The following HGF variants were observed in gnomAD, a reference collection of about 807,000 sequenced individuals.
HGF encodes the protein fibroblast-derived tumor cytotoxic factor.
In HGF, 39 loss-of-function variants were observed where a neutral mutation model predicts 111.6. The ratio of observed to expected loss-of-function variants is 0.35; its 90% confidence interval spans 0.27 to 0.46. HGF has a LOEUF of 0.46. Ranked by LOEUF, HGF falls within the 20% of genes least tolerant of loss-of-function variation. The pLI is 1.00. For synonymous variants in HGF, 285 were observed against 294.8 expected, an observed-to-expected ratio of 0.97 and a Z score of 0.34; for missense variants, 735 against 910.5, an observed-to-expected ratio of 0.81 and a Z score of 2.48.
intron 8 of HGF, among the ~76,000 whole-genome samples, chr7:81,728,311 C>T (rs1790073130): frequency 6.6e-6 from 1 of 152,176 alleles, no homozygotes; most frequent in Non-Finnish European, 1.5e-5. Context: ...GATACTTAAG[C>T]TTCACTTGTG....
intron 1 of HGF, among the ~76,000 whole-genome samples, chr7:81,768,669 G>A (rs543508402): frequency 2.0e-5 from 3 of 152,234 alleles, no homozygotes; most frequent in Non-Finnish European, 2.9e-5. Flanking sequence ...GTGAGCCACC[G>A]CACCCGACCC....
At chr7:81,761,473 A>G (rs1272813718) in intron 2 of HGF, among the ~76,000 whole-genome samples, 3 of 151,856 alleles carry the variant, frequency 2.0e-5, no homozygotes, top group African/African-American at 7.3e-5. Context: ...ACATTACTAA[A>G]CCCTGTGGTC....
intron 6 of HGF, among the ~76,000 whole-genome samples, chr7:81,744,490 G>A (rs1024796493): frequency 2.6e-5 from 4 of 152,124 alleles, no homozygotes; most frequent in African/African-American, 7.2e-5. Flanking sequence ...CACTACTTAT[G>A]TCATGCTGTT....
At chr7:81,733,163 T>TA (rs1329600982) in intron 7 of HGF, among the ~76,000 whole-genome samples, 1 of 152,004 alleles carries the variant, frequency 6.6e-6, no homozygotes, top group Non-Finnish European at 1.5e-5. Context: ...AAAAAGTATG[T>TA]AAAATCATTA....
At chr7:81,738,843 A>G (rs1787917458) in intron 7 of HGF, among the ~76,000 whole-genome samples, 1 of 152,108 alleles carries the variant, frequency 6.6e-6, no homozygotes, top group African/African-American at 2.4e-5. Context: ...AAAAGTGTTT[A>G]TTTGACATAT....
At chr7:81,721,700 T>C (rs995853979) in intron 9 of HGF, among the ~76,000 whole-genome samples, 1 of 152,246 alleles carries the variant, frequency 6.6e-6, no homozygotes, top group Non-Finnish European at 1.5e-5. Flanking sequence ...GCATCAGTGA[T>C]GCTTTGTCCT....
intron 9 of HGF, 41 bp from the exon 10 acceptor site, chr7:81,720,888 A>G (rs774121442): frequency 7.5e-6 from 8 of 1,066,116 alleles, no homozygotes; most frequent in Admixed American, 5.1e-5. Flanking sequence ...ATGAATATCA[A>G]GGCAGATAAA....
At chr7:81,764,176 A>G (rs1584018633) in intron 1 of HGF, among the ~76,000 whole-genome samples, 2 of 152,252 alleles carry the variant, frequency 1.3e-5, no homozygotes, top group African/African-American at 2.4e-5. Flanking sequence ...TGAGGTACCA[A>G]AAATGCCATC....
intron 17 of HGF, among the ~76,000 whole-genome samples, chr7:81,703,077 C>T (rs939769559): frequency 4.5e-4 from 68 of 151,482 alleles, no homozygotes; most frequent in African/African-American, 1.5e-3. Flanking sequence ...ATATAACCAT[C>T]GGTGCCTATT....
intron 8 of HGF, among the ~76,000 whole-genome samples, chr7:81,727,967 T>A (rs973446756): frequency 6.6e-6 from 1 of 152,222 alleles, no homozygotes; most frequent in Non-Finnish European, 1.5e-5. Flanking sequence ...ATTGATGATT[T>A]TATGATTCAT....
Position 81,710,239 on chromosome 7 carries a change from G to C in HGF, c.1449C>G (p.Pro483=). The change falls in exon 13 of 18, where the codon CCC becomes CCG. Residue 483 remains proline, a synonymous_variant. Transcript: ENST00000222390. ...GTTTCGTTTTGGCACAAGATATTAC[G>C]GGATCTGAAACAGGACCAAACATAA... ...TTPTIVNLDH[P]VISCAKTKQL... is the part of the protein sequence containing the mutation. 2 of 1,608,714 alleles carry C rather than the reference G, an allele frequency of 1.2e-6. No individual in the cohort carries two copies. Among genetic ancestry groups the C allele is most frequent in the Non-Finnish European group, 1.7e-6 (2 of 1,175,238 alleles).
intron 7 of HGF, chr7:81,742,675 A>G (rs1365866414): frequency 1.5e-6 from 2 of 1,293,842 alleles, no homozygotes; most frequent in Non-Finnish European, 2.0e-6. Context: ...CACAGATTGA[A>G]AGGAACAATA....
At chr7:81,716,761 C>T (rs932702382) in intron 11 of HGF, among the ~76,000 whole-genome samples, 1 of 152,026 alleles carries the variant, frequency 6.6e-6, no homozygotes, top group Non-Finnish European at 1.5e-5. Context: ...GTGGAAAACT[C>T]CAGGCTCTTC....
chr7:81,727,458 A>C (rs1790048503), intron 8 of HGF, among the ~76,000 whole-genome samples: 1 of 152,182 alleles, frequency 6.6e-6, no homozygotes, highest in Admixed American at 6.5e-5. Context: ...ATATGAGAAC[A>C]TCGGCCACCA....
chr7:81,709,384 G>A (rs1009818762), intron 13 of HGF, among the ~76,000 whole-genome samples: 1 of 152,114 alleles, frequency 6.6e-6, no homozygotes, highest in Non-Finnish European at 1.5e-5. Context: ...GATAGCCAAA[G>A]ACATAAATAT....
chr7:81,726,929 A>G (rs1219019985), intron 8 of HGF, among the ~76,000 whole-genome samples: 2 of 151,942 alleles, frequency 1.3e-5, no homozygotes, highest in Non-Finnish European at 2.9e-5. Context: ...TTTAATAACT[A>G]TATTAATATT....
In HGF at chr7:81,711,475, A is replaced by G. The variant is rs763802488; in HGVS notation, c.1444+6T>C. The G allele has an allele frequency of 1.2e-5, 18 of 1,450,164 alleles. No individual in the cohort carries two copies. In the African/African-American group the frequency reaches 1.3e-4, roughly 10 times the overall value. The allele number at this position is 1,450,164 out of a possible 1,614,324, so 89.8% of individuals were successfully genotyped here. ...AATATACTTTATATTGTGAAATATT[A>G]CTTACGGTCTAAATTGACTATTGTA... On this transcript the variant is annotated splice_donor_region_variant and intron_variant, in intron 12 of 17. Transcript: ENST00000222390.
intron 5 of HGF, chr7:81,751,391 G>C (rs1298808826): frequency 1.4e-5 from 14 of 985,092 alleles, no homozygotes; most frequent in Non-Finnish European, 1.7e-5. Context: ...ATGCTGAAAT[G>C]GTTACTCTTC....
At chr7:81,715,257 T>G (rs980905722) in intron 11 of HGF, among the ~76,000 whole-genome samples, 124 of 152,258 alleles carry the variant, frequency 8.1e-4, no homozygotes, top group Non-Finnish European at 2.1e-4. Context: ...CCTACACCAT[T>G]ATATATTCTA....
Sources: gnomAD v4.1 joint callset for allele counts (sites outside exome capture counted in the v4.1 genomes callset) on GRCh38, gnomAD v4.1.1 for gene constraint, MANE v1.5 for transcripts, NCBI Gene and HGNC (gene_info 2026-07-23, HGNC 2026-07-21) for gene names.